Variants in OR3A3 observed in about 807,000 individuals in gnomAD.
OR3A3 encodes the protein olfactory receptor family 3 subfamily A member 3.
For synonymous variants in OR3A3, 103 were observed against 163.9 expected, an observed-to-expected ratio of 0.63 and a Z score of 2.84; for missense variants, 275 against 391.4, an observed-to-expected ratio of 0.70 and a Z score of 2.51.
At chr17:3,419,795 G>A (rs1009790581) in intron 2 of OR3A3, among the ~76,000 whole-genome samples, 5 of 141,912 alleles carry the variant, frequency 3.5e-5, no homozygotes, top group Admixed American at 1.5e-4. Context: ...GTGCAGTGGC[G>A]CGATCTCGGC....
chr17:3,415,561 C>A (rs1034859247), intron 2 of OR3A3, among the ~76,000 whole-genome samples: 358 of 110,402 alleles, frequency 3.2e-3, no homozygotes, highest in South Asian at 3.7e-3. Context: ...AACTCCAACT[C>A]AAAAAAAAAA....
chr17:3,423,710 A>G (rs1383667709), exon 3 of OR3A3: 2 of 152,178 alleles, frequency 1.3e-5, no homozygotes, highest in African/African-American at 4.8e-5. Flanking sequence ...AGGCAGGTAG[A>G]TCACCTGAGG....
intron 2 of OR3A3, among the ~76,000 whole-genome samples, chr17:3,419,966 G>T (rs146825202): frequency 5.9e-5 from 9 of 151,818 alleles, no homozygotes; most frequent in Non-Finnish European, 1.0e-4. Context: ...ACGGGGTTTC[G>T]CTGTGTTAGC....
chr17:3,420,972 CT>C lies in OR3A3; in HGVS notation c.388del (p.Cys130AlafsTer10). On this transcript the variant is annotated frameshift_variant, in exon 3 of 3. Coordinates refer to ENST00000641141, the Ensembl canonical transcript of OR3A3. LOFTEE classifies it low-confidence loss of function (END_TRUNC). ...TGGCCTATGACCGACTCCTGGCCAT[CT>C]GCCAGCCCCTCACCTACAGCACCCG... 3 of 1,613,630 alleles carry C rather than the reference CT, an allele frequency of 1.9e-6. No homozygotes were observed. The highest frequency in any genetic ancestry group is 1.7e-6 in the Non-Finnish European group (2 of 1,179,910).
chr17:3,421,350 TGG>T lies in OR3A3; in HGVS notation c.767_768del (p.Gly256AspfsTer19). 6.2e-7 allele frequency: 1 copy of T among 1,614,200 alleles called. No homozygotes were observed. Among genetic ancestry groups the T allele is most frequent in the East Asian group, 2.2e-5 (1 of 44,874 alleles). On this transcript the variant is annotated frameshift_variant, in exon 3 of 3. Transcript: ENST00000641141. LOFTEE classifies it high-confidence loss of function. ...ACCTCACTGTGGTGGGCATCTTCTA[TGG>T]GACAGGTGTCTTCAGCTACATGAGG...
exon 3 of OR3A3, chr17:3,420,732 G>C: frequency 7.0e-7 from 1 of 1,436,244 alleles, no homozygotes; most frequent in South Asian, 1.3e-5. Flanking sequence ...TCAGCATCCT[G>C]GCAGCCGTCT....
rs34648972 is a variant in OR3A3 at position 3,413,845 on chromosome 17, C to CAA, written c.-7+1685_-7+1686dup. Reference sequence around the variant, plus strand: ...CAAAAAAAAACAAAAAAACAAAAAACAAAAAAAAAAAACTTTAAGGACCTC... The same window carrying CAA: ...CAAAAAAAAACAAAAAAACAAAAAACAAAAAAAAAAAAAACTTTAAGGACCTC... On this transcript the variant is annotated intron_variant, in intron 2 of 2. Coordinates refer to ENST00000641141, the Ensembl canonical transcript of OR3A3. Among the ~76,000 whole-genome samples, 728 of 143,176 alleles carry CAA rather than the reference C, an allele frequency of 5.1e-3. 5 individuals carry two copies. The highest frequency in any genetic ancestry group is 0.018 in the African/African-American group (691 of 38,822). 93.9% of individuals were successfully genotyped at this position (143,176 alleles called of 152,430 possible). A position where few individuals can be genotyped will look rare whatever the true frequency, so the allele number is the denominator to read the frequency against.
chr17:3,411,926 G>T (rs2072364533), intron 1 of OR3A3, 52 bp from the exon 2 acceptor site: 1 of 151,792 alleles, frequency 6.6e-6, no homozygotes, highest in Non-Finnish European at 1.5e-5. Context: ...AGTATGAAGG[G>T]CCTGAGGTGT....
At chr17:3,411,538 A>G (rs139040494) in intron 1 of OR3A3, 54 bp downstream of exon 1, 26,138 of 151,356 alleles carry the variant, frequency 0.17, 156 homozygotes, top group African/African-American at 0.3. Context: ...GTGTGGAGGC[A>G]GATGCCTGTA....
At chr17:3,419,030 G>A (rs951476956) in intron 2 of OR3A3, among the ~76,000 whole-genome samples, 5 of 152,134 alleles carry the variant, frequency 3.3e-5, no homozygotes, top group Non-Finnish European at 5.9e-5. Flanking sequence ...CAACCCACAG[G>A]ACATGATTAC....
intron 2 of OR3A3, among the ~76,000 whole-genome samples, chr17:3,419,756 C>T (rs1482212108): frequency 2.7e-5 from 3 of 111,122 alleles, no homozygotes; most frequent in Admixed American, 1.2e-4. Context: ...TTTTTTGAGA[C>T]GGAGTCTCAC....
At chr17:3,417,225 C>G (rs1349189167) in intron 2 of OR3A3, among the ~76,000 whole-genome samples, 6 of 152,002 alleles carry the variant, frequency 3.9e-5, no homozygotes, top group Non-Finnish European at 8.8e-5. Flanking sequence ...TATGGAATTC[C>G]TTTAGATTTT....
intron 1 of OR3A3, 27 bp downstream of exon 1, chr17:3,411,511 T>C (rs2072361991): frequency 6.6e-6 from 1 of 152,246 alleles, no homozygotes; most frequent in Non-Finnish European, 1.5e-5. Context: ...ACTAAAAAAA[T>C]ACAAAAAATT....
chr17:3,412,332 G>A (rs2072366986), intron 2 of OR3A3, among the ~76,000 whole-genome samples, 161 bp downstream of exon 2: 1 of 148,210 alleles, frequency 6.7e-6, no homozygotes, highest in African/African-American at 2.5e-5. Context: ...TTCTTTTGTG[G>A]TTTTCCCCGT....
chr17:3,421,749 G>T, exon 3 of OR3A3: 1 of 493,338 alleles, frequency 2.0e-6, no homozygotes, highest in African/African-American at 1.9e-5. Flanking sequence ...ATCTTCTAGG[G>T]CATTGGTGAG....
intron 2 of OR3A3, among the ~76,000 whole-genome samples, chr17:3,415,968 C>T (rs990357333): frequency 1.3e-5 from 2 of 151,724 alleles, no homozygotes; most frequent in East Asian, 3.9e-4. Flanking sequence ...AGCACCATCA[C>T]GCCTGGCTAA....
exon 3 of OR3A3, chr17:3,422,366 A>G (rs2072440626): frequency 6.6e-6 from 1 of 152,210 alleles, no homozygotes; most frequent in Non-Finnish European, 1.5e-5. Context: ...GTCTTATTTG[A>G]TAAATCATCT....
intron 2 of OR3A3, among the ~76,000 whole-genome samples, chr17:3,418,056 A>T (rs1197684092): frequency 6.6e-6 from 1 of 152,124 alleles, no homozygotes; most frequent in African/African-American, 2.4e-5. Flanking sequence ...GAGGTCTTGT[A>T]TCTCTGTCTT....
chr17:3,420,609 T>C lies in OR3A3; in HGVS notation c.24T>C (p.Asn8=), dbSNP rs201800438. The change falls in exon 3 of 3, where the codon AAT becomes AAC. Residue 8 remains asparagine, a synonymous_variant. Coordinates refer to ENST00000641141, the Ensembl canonical transcript of OR3A3. ...TCATGGAGCCAGAAGCTGGGACCAA[T>C]AGGACCGCTGTTGCTGAGTTCATTC... 6.7e-4 allele frequency: 1,021 copies of C among 1,519,370 alleles called. 3 individuals are homozygous for C. The highest frequency in any genetic ancestry group is 3.6e-4 in the Non-Finnish European group (414 of 1,135,978). 94.1% of individuals were successfully genotyped at this position (1,519,370 alleles called of 1,614,324 possible). A position where few individuals can be genotyped will look rare whatever the true frequency, so the allele number is the denominator to read the frequency against.
Sources: allele counts gnomAD v4.1 joint callset (sites outside exome capture counted in the v4.1 genomes callset), GRCh38; gene constraint gnomAD v4.1.1; transcripts MANE v1.5; gene names NCBI Gene and HGNC (gene_info 2026-07-23, HGNC 2026-07-21).